The following CYB5B variants were observed in gnomAD, a reference collection of about 807,000 sequenced individuals.
CYB5B encodes cytochrome b5 type B.
Under a neutral mutation model 21.3 loss-of-function variants are expected in CYB5B, and 14 were observed. That is an observed-to-expected ratio of 0.66 (90% confidence interval 0.43 to 1.03). CYB5B has a LOEUF of 1.03. CYB5B is among the 50% of genes least tolerant of loss of function. CYB5B has a pLI of 0.00. For synonymous variants in CYB5B, 69 were observed against 68.4 expected (o/e 1.01, Z -0.04); for missense variants, 166 against 185.1 (o/e 0.90, Z 0.60).
chr16:69,440,966 G>C (rs984831430), intron 1 of CYB5B, among the ~76,000 whole-genome samples: 1 of 151,498 alleles, frequency 6.6e-6, no homozygotes, highest in Non-Finnish European at 1.5e-5. Context: ...GCCTTCATTT[G>C]ATTTTTTAAT....
intron 1 of CYB5B, among the ~76,000 whole-genome samples, chr16:69,426,530 C>T (rs551640224): frequency 6.6e-6 from 1 of 151,136 alleles, no homozygotes; most frequent in Non-Finnish European, 1.5e-5. Flanking sequence ...CATGGTGAAA[C>T]CCCGACTCTA....
chr16:69,435,830 G>C (rs569866034), intron 1 of CYB5B, among the ~76,000 whole-genome samples: 3 of 151,972 alleles, frequency 2.0e-5, no homozygotes, highest in Non-Finnish European at 4.4e-5. Flanking sequence ...ATAGAGACAG[G>C]GTTTCCCCAT....
At chr16:69,445,248 T>C (rs1261102353) in intron 1 of CYB5B, among the ~76,000 whole-genome samples, 4 of 152,192 alleles carry the variant, frequency 2.6e-5, no homozygotes, top group African/African-American at 9.6e-5. Flanking sequence ...GTTTCAGATA[T>C]AATAACAAGT....
intron 1 of CYB5B, among the ~76,000 whole-genome samples, chr16:69,434,592 G>T (rs1396176417): frequency 6.6e-6 from 1 of 152,120 alleles, no homozygotes; most frequent in African/African-American, 2.4e-5. Context: ...TTGGCCAGGT[G>T]CTGTGGCTCA....
At position 69,424,733 on chromosome 16, in the gene CYB5B, G is replaced by C. The variant is rs371650946; in HGVS notation, c.50G>C (p.Gly17Ala). ...GAAGCTAGCGGCAGCGATGGGAAAG[G>C]GCAGGAAGTCGAGACCTCAGTCACC... ...TAEASGSDGK[G>A]QEVETSVTYY... is the part of the protein sequence containing the mutation. Residue 17 changes from glycine (G) to alanine (A), a missense_variant, in exon 1 of 5, where the codon GGG (glycine) becomes GCG (alanine). Coordinates refer to ENST00000307892, the MANE Select transcript of CYB5B (RefSeq NM_030579.3). The C allele has an allele frequency of 6.9e-6, 11 of 1,600,300 alleles. No individual in the cohort carries two copies. The African/African-American group carries it at 1.3e-4, about 20-fold the overall frequency.
At chr16:69,447,920 C>T (rs1167711708) in intron 2 of CYB5B, among the ~76,000 whole-genome samples, 195 bp from the exon 3 acceptor site, 2 of 152,158 alleles carry the variant, frequency 1.3e-5, no homozygotes, top group Non-Finnish European at 2.9e-5. Context: ...ACTTTAAAAA[C>T]TATCCATATA....
intron 4 of CYB5B, among the ~76,000 whole-genome samples, chr16:69,460,147 C>T (rs1040437782): frequency 1.3e-5 from 2 of 151,882 alleles, no homozygotes; most frequent in East Asian, 1.9e-4. Context: ...GCAGGAGAAT[C>T]GCTTGAACCT....
chr16:69,458,808 A>G (rs922180732), intron 3 of CYB5B, among the ~76,000 whole-genome samples: 1 of 152,212 alleles, frequency 6.6e-6, no homozygotes, highest in Non-Finnish European at 1.5e-5. Flanking sequence ...TATAGTTTGT[A>G]TCATTAACAT....
chr16:69,438,685 A>G (rs1318057269), intron 1 of CYB5B, among the ~76,000 whole-genome samples: 3 of 151,954 alleles, frequency 2.0e-5, no homozygotes, highest in Non-Finnish European at 2.9e-5. Context: ...ACATCTTTTC[A>G]TCTTCTTATT....
At chr16:69,435,522 T>C (rs2014751430) in intron 1 of CYB5B, among the ~76,000 whole-genome samples, 4 of 152,168 alleles carry the variant, frequency 2.6e-5, no homozygotes, top group Admixed American at 2.6e-4. Flanking sequence ...CCCAGGGTAT[T>C]TCTTGAAAGC....
At chr16:69,431,212 C>T (rs2014702341) in intron 1 of CYB5B, among the ~76,000 whole-genome samples, 1 of 151,612 alleles carries the variant, frequency 6.6e-6, no homozygotes, top group Non-Finnish European at 1.5e-5. Flanking sequence ...TGGTCTCGAA[C>T]TCCTGACCTC....
rs1201013792 is a variant in CYB5B at position 69,464,971 on chromosome 16, G to C, written c.*2451G>C. ...CAGGTGAAAGCTAAATCTTGTGTGAGAGTTTGCAGAGGTTTTTCTATACAA... is the reference window on the plus strand; with the variant it reads ...CAGGTGAAAGCTAAATCTTGTGTGACAGTTTGCAGAGGTTTTTCTATACAA... On this transcript the variant is annotated 3_prime_UTR_variant, in exon 5 of 5. Coordinates refer to ENST00000307892, the MANE Select transcript of CYB5B (RefSeq NM_030579.3). 8 of 152,694 alleles carry C rather than the reference G, an allele frequency of 5.2e-5. No homozygotes were observed. In the East Asian group the frequency reaches 1.3e-3, roughly 26 times the overall value. The allele number at this position is 152,694 out of a possible 1,614,324, so 9.5% of individuals were successfully genotyped here.
At chr16:69,428,787 G>A (rs2014675112) in intron 1 of CYB5B, among the ~76,000 whole-genome samples, 1 of 152,194 alleles carries the variant, frequency 6.6e-6, no homozygotes, top group South Asian at 2.1e-4. Context: ...AAGGCCAGGA[G>A]CAAAGTAAAG....
At position 69,457,089 on chromosome 16, in the gene CYB5B, C is replaced by T. The variant is rs185361999; in HGVS notation, c.334-2004C>T. On this transcript the variant is annotated intron_variant, in intron 3 of 4. Coordinates refer to ENST00000307892, the MANE Select transcript of CYB5B (RefSeq NM_030579.3). Reference sequence around the variant, plus strand: ...GGATGGATTGATCTTAAAACAGGCACATTTTGCAGTACTTAGTTCAAAGAA... The same window carrying T: ...GGATGGATTGATCTTAAAACAGGCATATTTTGCAGTACTTAGTTCAAAGAA... Among the ~76,000 whole-genome samples the T allele has an allele frequency of 7.9e-5, 12 of 152,168 alleles. No individual in the cohort carries two copies. In the East Asian group the frequency reaches 2.1e-3, roughly 27 times the overall value.
chr16:69,453,107 A>C (rs2014952093), intron 3 of CYB5B, among the ~76,000 whole-genome samples: 1 of 152,216 alleles, frequency 6.6e-6, no homozygotes, highest in African/African-American at 2.4e-5. Context: ...CTGTTTTTTA[A>C]AACAAATAAA....
chr16:69,450,010 C>T (rs991650176), intron 3 of CYB5B: 9 of 152,118 alleles, frequency 5.9e-5, no homozygotes, highest in Admixed American at 2.6e-4. Context: ...GAGCCCAGCA[C>T]TTGGAGACCA....
intron 3 of CYB5B, among the ~76,000 whole-genome samples, chr16:69,451,632 A>T (rs1170938261): frequency 1.3e-5 from 2 of 152,070 alleles, no homozygotes. Flanking sequence ...TAAAAAAAAA[A>T]TTTAAATAGT....
rs1204228002 is a variant in CYB5B, at chr16:69,448,188, T to G, written c.333+44T>G. ...GTCTTGTGTTTATATTTGTGTTTAC[T>G]CAAGTAGGACTGCTTTTTGAAACAT... On this transcript the variant is annotated intron_variant, in intron 3 of 4. Transcript: ENST00000307892. The G allele has an allele frequency of 1.9e-6, 3 of 1,605,312 alleles. No individual in the cohort carries two copies. In the Admixed American group the frequency reaches 5.0e-5, roughly 27 times the overall value.
At chr16:69,444,091 T>C (rs1480035930) in intron 1 of CYB5B, 2 of 152,756 alleles carry the variant, frequency 1.3e-5, no homozygotes, top group Non-Finnish European at 2.9e-5. Flanking sequence ...AAAGACTTTT[T>C]GGGAATGTAA....
Sources: allele counts gnomAD v4.1 joint callset (sites outside exome capture counted in the v4.1 genomes callset), GRCh38; gene constraint gnomAD v4.1.1; transcripts MANE v1.5; gene names NCBI Gene and HGNC (gene_info 2026-07-23, HGNC 2026-07-21).